UMAD1: variants seen among roughly 807,000 people sequenced by gnomAD.
UMAD1 encodes the protein UBAP1-MVB12-associated (UMA) domain containing 1.
UMAD1 carries 8 observed loss-of-function variants against 6.1 expected under a neutral mutation model. The ratio of observed to expected loss-of-function variants is 1.30; its 90% confidence interval spans 0.76 to 2.35. The LOEUF (loss-of-function observed/expected upper bound fraction) is 2.35. UMAD1 is among the 30% of genes most tolerant of loss of function. The probability of loss-of-function intolerance (pLI) is 0.00; values close to 1 mark genes in which losing one functional copy is unlikely to be tolerated. For synonymous variants in UMAD1, 56 were observed against 31.4 expected, an observed-to-expected ratio of 1.78 and a Z score of -2.61; for missense variants, 130 against 78.4, an observed-to-expected ratio of 1.66 and a Z score of -2.49.
intron 1 of UMAD1, among the ~76,000 whole-genome samples, chr7:7,647,511 G>C (rs1414615702): frequency 6.6e-6 from 1 of 152,088 alleles, no homozygotes; most frequent in African/African-American, 2.4e-5. Flanking sequence ...TTTTCTTTTT[G>C]TCTGCTTAAT....
At chr7:7,743,296 A>G (rs1243873705) in intron 2 of UMAD1, among the ~76,000 whole-genome samples, 1 of 152,188 alleles carries the variant, frequency 6.6e-6, no homozygotes, top group African/African-American at 2.4e-5. Flanking sequence ...AAGGGATAGT[A>G]GAAATGCAAT....
At chr7:7,701,461 G>A (rs574499904) in intron 2 of UMAD1, among the ~76,000 whole-genome samples, 3 of 152,214 alleles carry the variant, frequency 2.0e-5, no homozygotes, top group African/African-American at 4.8e-5. Context: ...TTTGCCATCC[G>A]TTGTTTGCTA....
chr7:7,673,419 A>G lies in UMAD1; in HGVS notation c.48A>G (p.Val16=). ...CTCCGGAATCTAAAAAGCCCTCAGT[A>G]CCAGAGACAGAAGCAGATGGATTCG... is the stretch of plus-strand genomic sequence containing the variant. ...RKPPESKKPS[V]PETEADGFVL... The change falls in exon 2 of 4, where the codon GTA becomes GTG. Residue 16 remains valine, a synonymous_variant. Coordinates refer to ENST00000682710, the MANE Select transcript of UMAD1 (RefSeq NM_001302348.2). The G allele has an allele frequency of 2.9e-6, 3 of 1,027,034 alleles. No homozygotes were observed. Among genetic ancestry groups the G allele is most frequent in the Non-Finnish European group, 2.9e-6 (2 of 680,060 alleles). The allele number at this position is 1,027,034 out of a possible 1,614,324, so 63.6% of individuals were successfully genotyped here. A position where few individuals can be genotyped will look rare whatever the true frequency, so the allele number is the denominator to read the frequency against.
At position 7,714,891 on chromosome 7, in the gene UMAD1, C is replaced by A. The variant is rs1320140633; in HGVS notation, c.82+41438C>A. On this transcript the variant is annotated intron_variant, in intron 2 of 3. Coordinates refer to ENST00000682710, the MANE Select transcript of UMAD1 (RefSeq NM_001302348.2). ...TTTTTTTAGTTGATAGTAACACTTG[C>A]AGACCTGTTGTACCATGTGGTTGAA... 4.2e-5 allele frequency among the ~76,000 whole-genome samples: 6 copies of A among 141,290 alleles called. No homozygotes were observed. The Admixed American group carries it at 4.4e-4, about 10-fold the overall frequency. The allele number at this position is 141,290 out of a possible 152,430, so 92.7% of individuals were successfully genotyped here.
intron 3 of UMAD1, among the ~76,000 whole-genome samples, chr7:7,811,587 G>C (rs1432232801): frequency 6.6e-6 from 1 of 152,128 alleles, no homozygotes; most frequent in Non-Finnish European, 1.5e-5. Flanking sequence ...CAATGTTTGA[G>C]CGCCCTCCCT....
At chr7:7,876,625 GACATA>G (rs1784424932) in intron 3 of UMAD1, among the ~76,000 whole-genome samples, 1 of 152,164 alleles carries the variant, frequency 6.6e-6, no homozygotes, top group South Asian at 2.1e-4. Context: ...TAACTTTTAT[GACATA>G]ACAGGTTAGT....
intron 2 of UMAD1, among the ~76,000 whole-genome samples, chr7:7,697,222 C>A (rs1359345041): frequency 6.6e-6 from 1 of 152,162 alleles, no homozygotes; most frequent in Non-Finnish European, 1.5e-5. Flanking sequence ...TTGCAACAGT[C>A]CTGATTGGCT....
At chr7:7,651,475 T>C (rs1785222488) in intron 1 of UMAD1, among the ~76,000 whole-genome samples, 1 of 152,238 alleles carries the variant, frequency 6.6e-6, no homozygotes, top group Admixed American at 6.5e-5. Flanking sequence ...GCCAGGGAAC[T>C]GTCCTCTTCT....
intron 2 of UMAD1, among the ~76,000 whole-genome samples, chr7:7,765,557 A>G (rs1374956739): frequency 1.3e-5 from 2 of 152,078 alleles, no homozygotes; most frequent in Non-Finnish European, 2.9e-5. Context: ...GACTTTGTAT[A>G]CTTTTACTGA....
chr7:7,677,315 C>G (rs1389407862), intron 2 of UMAD1, among the ~76,000 whole-genome samples: 3 of 152,036 alleles, frequency 2.0e-5, no homozygotes, highest in African/African-American at 7.2e-5. Flanking sequence ...TATAGTCACC[C>G]TATTGTGCTA....
chr7:7,790,941 G>A (rs1280030747), intron 2 of UMAD1, among the ~76,000 whole-genome samples: 1 of 151,928 alleles, frequency 6.6e-6, no homozygotes, highest in African/African-American at 2.4e-5. Flanking sequence ...TCCAGGCTGG[G>A]GTGCAATGGT....
chr7:7,861,916 A>G (rs1410691483), intron 3 of UMAD1, among the ~76,000 whole-genome samples: 1 of 152,226 alleles, frequency 6.6e-6, no homozygotes, highest in Non-Finnish European at 1.5e-5. Flanking sequence ...TTCAGCATAT[A>G]TTAAGAGCAG....
At chr7:7,676,075 A>C (rs547177901) in intron 2 of UMAD1, 3 of 398,352 alleles carry the variant, frequency 7.5e-6, no homozygotes, top group African/African-American at 6.2e-5. Context: ...TCTTTTCATC[A>C]TTCATCCCCT....
intron 2 of UMAD1, among the ~76,000 whole-genome samples, chr7:7,705,483 T>C (rs1780575344): frequency 6.6e-6 from 1 of 152,224 alleles, no homozygotes; most frequent in South Asian, 2.1e-4. Flanking sequence ...GCACCCAGTG[T>C]TTATATTCAG....
chr7:7,669,571 G>T (rs1168055165), intron 1 of UMAD1, among the ~76,000 whole-genome samples: 1 of 152,194 alleles, frequency 6.6e-6, no homozygotes, highest in East Asian at 1.9e-4. Flanking sequence ...TACATGGTTA[G>T]ACTGACCTTA....
chr7:7,731,892 C>G (rs1344557566), intron 2 of UMAD1, among the ~76,000 whole-genome samples: 1 of 152,108 alleles, frequency 6.6e-6, no homozygotes, highest in African/African-American at 2.4e-5. Flanking sequence ...TATTTCCTGC[C>G]TTAACTGACC....
At chr7:7,739,886 A>G (rs1781429457) in intron 2 of UMAD1, among the ~76,000 whole-genome samples, 1 of 152,270 alleles carries the variant, frequency 6.6e-6, no homozygotes, top group African/African-American at 2.4e-5. Context: ...GTCTATACAA[A>G]GGAGAGCACA....
At chr7:7,803,369 G>A (rs905518854) in intron 3 of UMAD1, among the ~76,000 whole-genome samples, 1 of 152,190 alleles carries the variant, frequency 6.6e-6, no homozygotes, top group Admixed American at 6.5e-5. Context: ...CAGCTACTCA[G>A]AAGGCTGAGG....
At chr7:7,676,249 A>T (rs1320097241) in intron 2 of UMAD1, 9 of 398,328 alleles carry the variant, frequency 2.3e-5, no homozygotes, top group Non-Finnish European at 4.0e-5. Context: ...TATCTAGGAA[A>T]TGAGCACGAT....
Sources: allele counts gnomAD v4.1 joint callset (sites outside exome capture counted in the v4.1 genomes callset), GRCh38; gene constraint gnomAD v4.1.1; transcripts MANE v1.5; gene names NCBI Gene and HGNC (gene_info 2026-07-23, HGNC 2026-07-21).